The following ZBTB16 variants were observed in gnomAD, a reference collection of about 807,000 sequenced individuals.
The protein encoded by ZBTB16 is zinc finger and BTB domain containing 16.
ZBTB16 carries 8 observed loss-of-function variants against 56.8 expected under a neutral mutation model. The ratio of observed to expected loss-of-function variants is 0.14; its 90% confidence interval spans 0.08 to 0.25. ZBTB16 has a LOEUF of 0.25. ZBTB16 is among the 10% of genes least tolerant of loss of function. The pLI is 1.00. For synonymous variants in ZBTB16, 363 were observed against 368.5 expected (o/e 0.98, Z 0.17); for missense variants, 625 against 903.0 (o/e 0.69, Z 3.95).
chr11:114,165,525 C>T (rs59201319), intron 3 of ZBTB16, among the ~76,000 whole-genome samples: 9,646 of 152,238 alleles, frequency 0.063, 955 homozygotes, highest in African/African-American at 0.21. Flanking sequence ...CTGATAGTAT[C>T]TGTCAAATAA....
In ZBTB16 at chr11:114,063,035, T is replaced by A. The variant is rs950737685; in HGVS notation, c.-90-176T>A. On this transcript the variant is annotated intron_variant, in intron 1 of 6. Coordinates refer to ENST00000335953, the MANE Select transcript of ZBTB16 (RefSeq NM_006006.6). This position sits in a 1 kb window ranked among gnomAD's most constrained non-coding sequence, Gnocchi z 6.5. ...AGCATCCCTGGCTTGAAAGGCAGAT[T>A]TGTAGATTTCTAGGAAGCTACTTCA... Among the ~76,000 whole-genome samples, 4 of 152,194 alleles carry A rather than the reference T, an allele frequency of 2.6e-5. No individual in the cohort carries two copies. The highest frequency in any genetic ancestry group is 6.5e-5 in the Admixed American group (1 of 15,272).
chr11:114,093,709 T>C (rs1440244189), intron 2 of ZBTB16, among the ~76,000 whole-genome samples: 1 of 152,200 alleles, frequency 6.6e-6, no homozygotes, highest in African/African-American at 2.4e-5. Flanking sequence ...CAGGAAATGT[T>C]CCCATTCAGC....
intron 4 of ZBTB16, among the ~76,000 whole-genome samples, chr11:114,233,114 C>T (rs1406513159): frequency 5.4e-5 from 2 of 36,908 alleles, no homozygotes; most frequent in East Asian, 2.3e-3. Flanking sequence ...CACACACACA[C>T]ACACACACAC....
intron 4 of ZBTB16, among the ~76,000 whole-genome samples, chr11:114,230,392 C>CT (rs1055400488): frequency 1.2e-4 from 19 of 152,170 alleles, no homozygotes; most frequent in African/African-American, 2.2e-4. Context: ...GCTCTGGGAG[C>CT]TTTTTTATAT....
chr11:114,175,392 T>C (rs1943082523), intron 3 of ZBTB16, among the ~76,000 whole-genome samples: 1 of 152,168 alleles, frequency 6.6e-6, no homozygotes, highest in African/African-American at 2.4e-5. Context: ...CTAACTACTT[T>C]ACATGCAATA....
At chr11:114,114,347 G>C (rs984381509) in intron 2 of ZBTB16, among the ~76,000 whole-genome samples, 2 of 152,244 alleles carry the variant, frequency 1.3e-5, no homozygotes, top group African/African-American at 4.8e-5. Context: ...CCGGGCTTCA[G>C]TGTATATGAG....
Position 114,253,511 on chromosome 11 carries a change from A to G in ZBTB16, c.*2956A>G, listed in dbSNP as rs1014631692. Among the ~76,000 whole-genome samples, 2 of 152,184 alleles carry G rather than the reference A, an allele frequency of 1.3e-5. No individual in the cohort carries two copies. The highest frequency in any genetic ancestry group is 4.8e-5 in the African/African-American group (2 of 41,444). On this transcript the variant is annotated 3_prime_UTR_variant, in exon 7 of 7. Transcript: ENST00000335953. ...GTGGTTGTGTGTTAAATCATGCAGT[A>G]TTGTCGTAATCTGGTGTTGCAGCAA...
At chr11:114,210,055 C>T in intron 4 of ZBTB16, 6 of 671,644 alleles carry the variant, frequency 8.9e-6, no homozygotes, top group Non-Finnish European at 1.1e-5. Flanking sequence ...AGCCACTTGC[C>T]CGGTGAGCCT....
chr11:114,139,180 G>A (rs1345737615), intron 2 of ZBTB16, among the ~76,000 whole-genome samples: 1 of 152,216 alleles, frequency 6.6e-6, no homozygotes, highest in Admixed American at 6.5e-5. Context: ...AATTGCTGGA[G>A]CATGGAGACC....
rs115210429 is a variant in ZBTB16, at chr11:114,160,427, G to A, written c.1366+3993G>A. Among the ~76,000 whole-genome samples the A allele has an allele frequency of 4.2e-3, 645 of 152,144 alleles. 9 individuals carry two copies. Among genetic ancestry groups the A allele is most frequent in the African/African-American group, 0.014 (568 of 41,482 alleles). Reference sequence around the variant, plus strand: ...GTTTTTCCTCCTTTCTCTCCCTGTCGTCCTCCTCTCCTCTTCATTTCCCTA... The same window carrying A: ...GTTTTTCCTCCTTTCTCTCCCTGTCATCCTCCTCTCCTCTTCATTTCCCTA... On this transcript the variant is annotated intron_variant, in intron 3 of 6. Coordinates refer to ENST00000335953, the MANE Select transcript of ZBTB16 (RefSeq NM_006006.6).
intron 4 of ZBTB16, among the ~76,000 whole-genome samples, chr11:114,198,859 T>C (rs1174069980): frequency 6.6e-6 from 1 of 152,246 alleles, no homozygotes; most frequent in Non-Finnish European, 1.5e-5. Context: ...TTTTGTATCA[T>C]ACAGAATAGC....
chr11:114,109,965 A>C (rs1464187917), intron 2 of ZBTB16, among the ~76,000 whole-genome samples: 1 of 152,142 alleles, frequency 6.6e-6, no homozygotes, highest in African/African-American at 2.4e-5. Flanking sequence ...CCACAGGAGG[A>C]CTTCTGGAAG....
rs979548466 is a variant in ZBTB16 at position 114,252,565 on chromosome 11, A to G, written c.*2010A>G. ...CTGAATTTTGGAAAGCACATTTGCA[A>G]TATTCGTGTTTGCTTTGGGACGGAC... On this transcript the variant is annotated 3_prime_UTR_variant, in exon 7 of 7. Transcript: ENST00000335953. 6.6e-5 allele frequency among the ~76,000 whole-genome samples: 10 copies of G among 152,090 alleles called. No homozygotes were observed. The highest frequency in any genetic ancestry group is 2.6e-4 in the Admixed American group (4 of 15,270).
rs142540116 is a variant in ZBTB16, at chr11:114,119,110, C to G, written c.1269-37227C>G. 9.3e-3 allele frequency among the ~76,000 whole-genome samples: 1,409 copies of G among 151,598 alleles called. 19 individuals carry two copies. The highest frequency in any genetic ancestry group is 0.032 in the African/African-American group (1,332 of 41,326). On this transcript the variant is annotated intron_variant, in intron 2 of 6. Coordinates refer to ENST00000335953, the MANE Select transcript of ZBTB16 (RefSeq NM_006006.6). ...TGAAACCATGTCTCTACTAAAAATA[C>G]AAAAAATTAGCTGGATGTGGTGGTG...
At chr11:114,157,193 G>C (rs1268981099) in intron 3 of ZBTB16, among the ~76,000 whole-genome samples, 1 of 152,144 alleles carries the variant, frequency 6.6e-6, no homozygotes, top group African/African-American at 2.4e-5. Flanking sequence ...TCCTCATGTA[G>C]GCCAAGGCCT....
intron 2 of ZBTB16, among the ~76,000 whole-genome samples, chr11:114,150,494 A>G (rs532166555): frequency 5.6e-4 from 85 of 152,294 alleles, no homozygotes; most frequent in African/African-American, 2.0e-3. Context: ...TTTAAAAAAG[A>G]AAGTACAGGA....
intron 3 of ZBTB16, among the ~76,000 whole-genome samples, chr11:114,177,120 CTG>C (rs2135029696): frequency 6.6e-6 from 1 of 152,326 alleles, no homozygotes; most frequent in Non-Finnish European, 1.5e-5. Flanking sequence ...ATGATAATGA[CTG>C]TGACTTGAGC....
intron 4 of ZBTB16, among the ~76,000 whole-genome samples, chr11:114,196,640 T>C (rs1943618438): frequency 6.6e-6 from 1 of 152,226 alleles, no homozygotes; most frequent in Non-Finnish European, 1.5e-5. Context: ...CTCTGAGTTT[T>C]TAAGTACCTA....
intron 4 of ZBTB16, among the ~76,000 whole-genome samples, chr11:114,196,338 C>T (rs1230645080): frequency 1.3e-5 from 2 of 152,204 alleles, no homozygotes; most frequent in African/African-American, 4.8e-5. Flanking sequence ...TATTCCCTAT[C>T]TCTTGACTTC....
Sources: gnomAD v4.1 joint callset for allele counts (sites outside exome capture counted in the v4.1 genomes callset) on GRCh38, gnomAD v4.1.1 for gene constraint, Gnocchi (gnomAD v3.1) non-coding constraint, MANE v1.5 for transcripts, NCBI Gene and HGNC (gene_info 2026-07-23, HGNC 2026-07-21) for gene names.